EYA2: variants seen among roughly 807,000 people sequenced by gnomAD.
EYA2 encodes the protein EYA transcriptional coactivator and phosphatase 2, also known as protein phosphatase EYA2.
EYA2 carries 31 observed loss-of-function variants against 69.2 expected under a neutral mutation model. That is an observed-to-expected ratio of 0.45 (90% CI 0.34 to 0.60). The LOEUF is 0.60. Ranked by LOEUF, EYA2 falls within the 20% of genes least tolerant of loss-of-function variation. EYA2 has a pLI of 0.02. For missense variants in EYA2, 622 were observed against 701.2 expected (o/e 0.89, Z 1.28); for synonymous variants, 257 against 279.4 (o/e 0.92, Z 0.80).
intron 10 of EYA2, 98 bp from the exon 11 acceptor site, chr20:47,169,041 A>T: frequency 2.7e-6 from 3 of 1,100,924 alleles, no homozygotes; most frequent in Middle Eastern, 2.0e-4. Flanking sequence ...TGCAGTGCTC[A>T]TCCCAGCCCT....
intron 10 of EYA2, among the ~76,000 whole-genome samples, chr20:47,145,320 C>T (rs1013394117): frequency 6.6e-6 from 1 of 151,866 alleles, no homozygotes; most frequent in Non-Finnish European, 1.5e-5. Context: ...AGATGGAGAT[C>T]GGGGGCAGTG....
intron 1 of EYA2, among the ~76,000 whole-genome samples, chr20:46,965,758 C>T (rs1010646452): frequency 2.0e-5 from 3 of 152,234 alleles, no homozygotes; most frequent in Admixed American, 6.5e-5. Context: ...TCCCGTCCGC[C>T]GGGCTGTTCC....
intron 5 of EYA2, among the ~76,000 whole-genome samples, chr20:47,043,226 T>G (rs1374836687): frequency 6.6e-6 from 1 of 152,238 alleles, no homozygotes; most frequent in Non-Finnish European, 1.5e-5. Context: ...AGGCCACTTT[T>G]GTTTTTATTG....
chr20:47,130,256 A>ATTTTTTTTTTT (rs1392782309), intron 9 of EYA2, among the ~76,000 whole-genome samples: 53 of 69,728 alleles, frequency 7.6e-4, no homozygotes, highest in Non-Finnish European at 1.0e-3. Flanking sequence ...AAGAAGGTTT[A>ATTTTTTTTTTT]TTTTCTTTTT....
At chr20:47,152,533 C>T (rs1422887263) in intron 10 of EYA2, among the ~76,000 whole-genome samples, 1 of 151,788 alleles carries the variant, frequency 6.6e-6, no homozygotes, top group Admixed American at 6.6e-5. Context: ...GGGGTGGGGC[C>T]AGGCATGGTG....
chr20:47,053,309 T>A (rs549028081), intron 5 of EYA2, among the ~76,000 whole-genome samples: 2 of 152,228 alleles, frequency 1.3e-5, no homozygotes, highest in Non-Finnish European at 2.9e-5. Context: ...GAAAAGCGAA[T>A]GCCACGGACA....
At chr20:47,139,713 G>A (rs988242346) in intron 9 of EYA2, among the ~76,000 whole-genome samples, 1 of 152,158 alleles carries the variant, frequency 6.6e-6, no homozygotes, top group African/African-American at 2.4e-5. Context: ...ACAGGTGTGA[G>A]CCACTGCACC....
rs972654331 is a variant in EYA2 at position 47,025,617 on chromosome 20, G to A, written c.415+9320G>A. ...TTTCTACTCTTTTGCAACTGCCTCC[G>A]AAATGGTCATGAAAACCCCTATATG... On this transcript the variant is annotated intron_variant, in intron 5 of 15. Transcript: ENST00000327619. 1.2e-4 allele frequency among the ~76,000 whole-genome samples: 19 copies of A among 152,114 alleles called. 1 individual carries two copies. The highest frequency in any genetic ancestry group is 6.5e-4 in the Admixed American group (10 of 15,278).
intron 9 of EYA2, among the ~76,000 whole-genome samples, chr20:47,106,278 A>G (rs2032577548): frequency 6.6e-6 from 1 of 152,126 alleles, no homozygotes; most frequent in South Asian, 2.1e-4. Flanking sequence ...TAGCCCCCGG[A>G]CCTAGCACAG....
intron 15 of EYA2, among the ~76,000 whole-genome samples, chr20:47,186,873 C>T (rs1420911752): frequency 6.6e-6 from 1 of 152,098 alleles, no homozygotes; most frequent in African/African-American, 2.4e-5. Flanking sequence ...TTCTTTCTTC[C>T]ATATACATGC....
At chr20:47,166,918 G>A (rs943976212) in intron 10 of EYA2, 5 of 153,062 alleles carry the variant, frequency 3.3e-5, no homozygotes, top group Middle Eastern at 1.5e-3. Context: ...AACCAGTACC[G>A]CAGGGGCTGG....
At chr20:47,033,879 A>C (rs867175032) in intron 5 of EYA2, among the ~76,000 whole-genome samples, 1 of 152,230 alleles carries the variant, frequency 6.6e-6, no homozygotes, top group Non-Finnish European at 1.5e-5. Flanking sequence ...GATGTTTGTT[A>C]CCACATCATA....
intron 10 of EYA2, among the ~76,000 whole-genome samples, chr20:47,152,329 C>G (rs986903315): frequency 1.3e-5 from 2 of 151,900 alleles, no homozygotes; most frequent in African/African-American, 4.8e-5. Context: ...TTGTGAATTA[C>G]CAGCCCTGCT....
chr20:46,941,105 A>G (rs949116607), intron 1 of EYA2, among the ~76,000 whole-genome samples: 1 of 152,276 alleles, frequency 6.6e-6, no homozygotes, highest in African/African-American at 2.4e-5. Flanking sequence ...TGGACAGGGG[A>G]CGCTGACTAG....
chr20:46,922,784 G>A (rs1305006359), intron 1 of EYA2, among the ~76,000 whole-genome samples: 1 of 150,800 alleles, frequency 6.6e-6, no homozygotes, highest in Non-Finnish European at 1.5e-5. Context: ...CATTTTGCAT[G>A]GTCTTAAGTG....
At chr20:47,172,566 A>T in intron 11 of EYA2, 141 bp from the exon 12 acceptor site, 1 of 730,558 alleles carries the variant, frequency 1.4e-6, no homozygotes, top group Non-Finnish European at 2.2e-6. Context: ...CCAAATGCAC[A>T]CTCGCAGCAC....
chr20:47,163,225 T>G (rs1396041261), intron 10 of EYA2, among the ~76,000 whole-genome samples: 1 of 151,194 alleles, frequency 6.6e-6, no homozygotes, highest in Admixed American at 6.6e-5. Flanking sequence ...GAGACAGGGT[T>G]TCACTATGTT....
At chr20:47,153,601 C>T (rs777786120) in intron 10 of EYA2, among the ~76,000 whole-genome samples, 6 of 151,734 alleles carry the variant, frequency 4.0e-5, no homozygotes, top group Non-Finnish European at 8.8e-5. Context: ...CTGCAGTGAG[C>T]TAGCTGTGAT....
chr20:47,005,259 T>C (rs535929821), intron 4 of EYA2, among the ~76,000 whole-genome samples, 175 bp downstream of exon 4: 7 of 152,364 alleles, frequency 4.6e-5, no homozygotes, highest in South Asian at 4.1e-4. Context: ...TAGCCTATAA[T>C]ATCAAGATCC....
Sources: gnomAD v4.1 joint callset for allele counts (sites outside exome capture counted in the v4.1 genomes callset) on GRCh38, gnomAD v4.1.1 for gene constraint, MANE v1.5 for transcripts, NCBI Gene and HGNC (gene_info 2026-07-23, HGNC 2026-07-21) for gene names.